ERC2: variants seen among roughly 807,000 people sequenced by gnomAD.
The protein encoded by ERC2 is ELKS/RAB6-interacting/CAST family member 2.
A neutral mutation model predicts 114.8 loss-of-function variants in ERC2; 42 were observed. The observed-to-expected ratio is 0.37, with a 90% CI of 0.29 to 0.47. The LOEUF is 0.47. Among genes scored for constraint, ERC2 ranks in the 20% least tolerant of loss-of-function variants. The pLI is 0.99. For synonymous variants in ERC2, 454 were observed against 425.5 expected, an observed-to-expected ratio of 1.07 and a Z score of -0.82; for missense variants, 939 against 1,150.7, an observed-to-expected ratio of 0.82 and a Z score of 2.66.
rs1559674300 is a variant in ERC2 at position 55,799,423 on chromosome 3, C to CATACATATATATGCAT, written c.2565-64506_2565-64505insATGCATATATATGTAT. ...TATATATATATGCCTTATATATATGCATATATATATGCCTTATATATATAT... is the reference window on the plus strand; with the variant it reads ...TATATATATATGCCTTATATATATGCATACATATATATGCATATATATATATGCCTTATATATATAT... On this transcript the variant is annotated intron_variant, in intron 14 of 17. Coordinates refer to ENST00000288221, the MANE Select transcript of ERC2 (RefSeq NM_015576.3). Among the ~76,000 whole-genome samples the CATACATATATATGCAT allele has an allele frequency of 2.7e-3, 293 of 110,504 alleles. 2 individuals are homozygous for CATACATATATATGCAT. Among genetic ancestry groups the CATACATATATATGCAT allele is most frequent in the African/African-American group, 0.013 (279 of 21,212 alleles). The allele number at this position is 110,504 out of a possible 152,430, so 72.5% of individuals were successfully genotyped here. A position where few individuals can be genotyped will look rare whatever the true frequency, so the allele number is the denominator to read the frequency against.
intron 17 of ERC2, among the ~76,000 whole-genome samples, chr3:55,667,565 C>CTAGT (rs2061402446): frequency 6.6e-6 from 1 of 152,182 alleles, no homozygotes; most frequent in Non-Finnish European, 1.5e-5. Context: ...AGATTGCCAG[C>CTAGT]TAGTGCAGCT....
intron 3 of ERC2, among the ~76,000 whole-genome samples, chr3:56,242,737 G>A (rs2051405791): frequency 6.6e-6 from 1 of 152,024 alleles, no homozygotes; most frequent in South Asian, 2.1e-4. Context: ...TTAAAAAAAA[G>A]AAACAAAGAA....
intron 17 of ERC2, among the ~76,000 whole-genome samples, chr3:55,568,077 T>C (rs979528326): frequency 6.6e-6 from 1 of 152,218 alleles, no homozygotes; most frequent in Non-Finnish European, 1.5e-5. Context: ...ATAGTTATTA[T>C]TTTATTTTAT....
chr3:56,254,335 C>CT (rs71621808), intron 3 of ERC2, among the ~76,000 whole-genome samples: 35,022 of 149,380 alleles, frequency 0.23, 4,690 homozygotes, highest in Non-Finnish European at 0.3. Flanking sequence ...CCTTAAACCC[C>CT]TTTTTTTTTT....
At chr3:55,898,719 A>ATTTTT (rs543601529) in intron 13 of ERC2, among the ~76,000 whole-genome samples, 1 of 149,228 alleles carries the variant, frequency 6.7e-6, no homozygotes, top group South Asian at 2.1e-4. Flanking sequence ...TTGGATTTCC[A>ATTTTT]TTTTTTTTTT....
intron 15 of ERC2, among the ~76,000 whole-genome samples, chr3:55,716,823 A>G (rs1227211556): frequency 6.6e-6 from 1 of 152,222 alleles, no homozygotes; most frequent in Non-Finnish European, 1.5e-5. Flanking sequence ...GCCCAGAGTG[A>G]TCCAAAATCT....
chr3:55,520,645 C>T (rs1208850234), intron 17 of ERC2, among the ~76,000 whole-genome samples: 1 of 152,088 alleles, frequency 6.6e-6, no homozygotes, highest in East Asian at 1.9e-4. Flanking sequence ...AAAGATACGG[C>T]CTTGTGAACA....
intron 2 of ERC2, among the ~76,000 whole-genome samples, chr3:56,410,380 C>A (rs2060895378): frequency 6.6e-6 from 1 of 152,180 alleles, no homozygotes; most frequent in African/African-American, 2.4e-5. Flanking sequence ...CAAAATTACT[C>A]TATAGAGAGC....
Position 56,435,163 on chromosome 3 carries a change from A to T in ERC2, c.-140-16T>A. ...ACTCAGAGATCTACAAAGTGAAAAA[A>T]AGAATAATTAAAAACAAATTTCTTT... On this transcript the variant is annotated splice_polypyrimidine_tract_variant and intron_variant, in intron 1 of 17. Coordinates refer to ENST00000288221, the MANE Select transcript of ERC2 (RefSeq NM_015576.3). 1.6e-6 allele frequency: 1 copy of T among 615,096 alleles called. No homozygotes were observed. Among genetic ancestry groups the T allele is most frequent in the Non-Finnish European group, 2.8e-6 (1 of 356,704 alleles). The allele number at this position is 615,096 out of a possible 1,614,324, so 38.1% of individuals were successfully genotyped here. A position where few individuals can be genotyped will look rare whatever the true frequency, so the allele number is the denominator to read the frequency against.
At chr3:55,637,228 T>C (rs2059995473) in intron 17 of ERC2, among the ~76,000 whole-genome samples, 1 of 152,242 alleles carries the variant, frequency 6.6e-6, no homozygotes, top group African/African-American at 2.4e-5. Flanking sequence ...GAGTTGGGGA[T>C]AGAAACTTTC....
At chr3:55,856,990 A>G (rs2061815171) in intron 14 of ERC2, among the ~76,000 whole-genome samples, 1 of 151,720 alleles carries the variant, frequency 6.6e-6, no homozygotes, top group Non-Finnish European at 1.5e-5. Flanking sequence ...AAAGTAGATT[A>G]GTAGTTGCCA....
chr3:56,191,472 C>G (rs974579125), intron 3 of ERC2, among the ~76,000 whole-genome samples: 4 of 152,158 alleles, frequency 2.6e-5, no homozygotes, highest in Admixed American at 1.3e-4. Flanking sequence ...CATGGTCTCT[C>G]TCACACAACC....
At chr3:56,125,199 A>G (rs1196488421) in intron 6 of ERC2, among the ~76,000 whole-genome samples, 10 of 152,164 alleles carry the variant, frequency 6.6e-5, no homozygotes, top group Admixed American at 1.3e-4. Context: ...ATCTTTCATA[A>G]ATCTTCTCTC....
At chr3:56,264,412 C>T (rs890440489) in intron 3 of ERC2, among the ~76,000 whole-genome samples, 4 of 151,972 alleles carry the variant, frequency 2.6e-5, no homozygotes, top group Admixed American at 6.6e-5. Context: ...GCCTGGCCAA[C>T]GTGGTGAAAC....
At chr3:56,453,731 A>G (rs549024090) in intron 1 of ERC2, among the ~76,000 whole-genome samples, 1 of 152,284 alleles carries the variant, frequency 6.6e-6, no homozygotes, top group Admixed American at 6.5e-5. Flanking sequence ...ATCATTCCTG[A>G]CCACTGATTT....
intron 17 of ERC2, among the ~76,000 whole-genome samples, chr3:55,513,618 G>A (rs1266944982): frequency 1.3e-4 from 19 of 145,380 alleles, no homozygotes; most frequent in African/African-American, 2.5e-5. Flanking sequence ...GTGTGTGCAT[G>A]TATGTATATA....
At chr3:55,909,398 T>C (rs1025241708) in intron 13 of ERC2, among the ~76,000 whole-genome samples, 1 of 152,228 alleles carries the variant, frequency 6.6e-6, no homozygotes, top group Non-Finnish European at 1.5e-5. Context: ...AAAAGGTCTT[T>C]GTTCCCAAGA....
chr3:56,147,765 C>T (rs1394658916), intron 5 of ERC2, among the ~76,000 whole-genome samples: 1 of 152,080 alleles, frequency 6.6e-6, no homozygotes, highest in East Asian at 1.9e-4. Flanking sequence ...AATTGGTGTA[C>T]TTATTATTTT....
chr3:56,208,843 T>C (rs1284061946), intron 3 of ERC2, among the ~76,000 whole-genome samples: 1 of 152,072 alleles, frequency 6.6e-6, no homozygotes, highest in African/African-American at 2.4e-5. Context: ...GCAAGAAATG[T>C]CACAACTAGG....
Sources: gnomAD v4.1 joint callset for allele counts (sites outside exome capture counted in the v4.1 genomes callset) on GRCh38, gnomAD v4.1.1 for gene constraint, MANE v1.5 for transcripts, NCBI Gene and HGNC (gene_info 2026-07-23, HGNC 2026-07-21) for gene names.